Variants in HTR1F observed in about 807,000 individuals in gnomAD.
HTR1F encodes 5-hydroxytryptamine receptor 1F, also known as 5-hydroxytryptamine (serotonin) receptor 1F, G protein-coupled.
In HTR1F, 17 loss-of-function variants were observed where a neutral mutation model predicts 24.0. The ratio of observed to expected loss-of-function variants is 0.71; its 90% CI spans 0.48 to 1.06. HTR1F has a LOEUF of 1.06. Ranked by LOEUF, HTR1F falls within the 50% of genes least tolerant of loss-of-function variation. The pLI is 0.00. For synonymous variants in HTR1F, 186 were observed against 156.8 expected (o/e 1.19, Z -1.39); for missense variants, 391 against 427.8 (o/e 0.91, Z 0.76).
chr3:87,945,482 G>T (rs1704675405), intron 2 of HTR1F, among the ~76,000 whole-genome samples: 1 of 152,180 alleles, frequency 6.6e-6, no homozygotes, highest in African/African-American at 2.4e-5. Flanking sequence ...CAGAAGGAAA[G>T]GTAGGGGCGC....
intron 2 of HTR1F, among the ~76,000 whole-genome samples, chr3:87,826,544 C>T (rs947976758): frequency 5.3e-5 from 8 of 152,110 alleles, no homozygotes; most frequent in African/African-American, 1.7e-4. Context: ...TTATACATCC[C>T]GTAAACGCCC....
At chr3:87,882,837 C>T (rs1172499316) in intron 2 of HTR1F, among the ~76,000 whole-genome samples, 2 of 151,646 alleles carry the variant, frequency 1.3e-5, no homozygotes, top group African/African-American at 4.8e-5. Context: ...CACATGTACC[C>T]TAAAACTTAA....
At chr3:87,800,817 T>C (rs557632693) in intron 1 of HTR1F, among the ~76,000 whole-genome samples, 1 of 152,344 alleles carries the variant, frequency 6.6e-6, no homozygotes, top group South Asian at 2.1e-4. Flanking sequence ...TCATTGGTAC[T>C]CTGTCTATGG....
chr3:87,972,246 C>T (rs552438308), intron 2 of HTR1F, among the ~76,000 whole-genome samples: 1 of 152,044 alleles, frequency 6.6e-6, no homozygotes, highest in African/African-American at 2.4e-5. Flanking sequence ...AGATTTAGTC[C>T]CATTACCATA....
At chr3:87,831,349 A>G (rs1704574821) in intron 2 of HTR1F, among the ~76,000 whole-genome samples, 2 of 142,640 alleles carry the variant, frequency 1.4e-5, no homozygotes, top group Admixed American at 1.4e-4. Context: ...TATTATTATT[A>G]TTATTATTAT....
chr3:87,961,021 CAT>C (rs1341387586), intron 2 of HTR1F, among the ~76,000 whole-genome samples: 7 of 152,024 alleles, frequency 4.6e-5, no homozygotes, highest in African/African-American at 1.4e-4. Flanking sequence ...CACACACACA[CAT>C]ACACACAAAC....
At chr3:87,882,879 TA>T (rs1705839497) in intron 2 of HTR1F, among the ~76,000 whole-genome samples, 1 of 151,780 alleles carries the variant, frequency 6.6e-6, no homozygotes. Flanking sequence ...AAAATAAATT[TA>T]AAAAAAAGGC....
At chr3:87,803,024 A>T (rs182728695) in intron 1 of HTR1F, among the ~76,000 whole-genome samples, 220 of 152,204 alleles carry the variant, frequency 1.4e-3, no homozygotes, top group South Asian at 3.9e-3. Flanking sequence ...AAAGCAATGG[A>T]GCTGTCTATT....
chr3:87,862,675 C>T (rs1324092447), intron 2 of HTR1F, among the ~76,000 whole-genome samples: 1 of 152,158 alleles, frequency 6.6e-6, no homozygotes, highest in African/African-American at 2.4e-5. Flanking sequence ...TTTCTCCTGA[C>T]TTCCGCTGTC....
chr3:87,937,755 C>G (rs1174444496), intron 2 of HTR1F, among the ~76,000 whole-genome samples: 1 of 152,000 alleles, frequency 6.6e-6, no homozygotes. Flanking sequence ...AACCCCGTCT[C>G]TACTAAAAAC....
intron 2 of HTR1F, among the ~76,000 whole-genome samples, chr3:87,904,328 G>T (rs1209528554): frequency 3.3e-5 from 5 of 152,066 alleles, no homozygotes; most frequent in Non-Finnish European, 7.4e-5. Context: ...TCTGCTAATT[G>T]GGACACTCAA....
chr3:87,980,272 T>A (rs1236554769), intron 2 of HTR1F, among the ~76,000 whole-genome samples: 1 of 152,124 alleles, frequency 6.6e-6, no homozygotes, highest in African/African-American at 2.4e-5. Context: ...TGATGACATC[T>A]CTCCACCCCT....
chr3:87,806,376 C>T (rs2932267), intron 1 of HTR1F, among the ~76,000 whole-genome samples: 20,823 of 151,968 alleles, frequency 0.14, 4,448 homozygotes, highest in African/African-American at 0.46. Flanking sequence ...AAGTTCTCTT[C>T]CTCTGTTTCC....
intron 2 of HTR1F, among the ~76,000 whole-genome samples, chr3:87,977,643 G>T (rs147793323): frequency 6.7e-6 from 1 of 149,328 alleles, no homozygotes; most frequent in African/African-American, 2.5e-5. Context: ...GGATGGTCTC[G>T]ATCTCCTGAC....
intron 2 of HTR1F, among the ~76,000 whole-genome samples, chr3:87,907,809 C>T (rs925251286): frequency 1.3e-5 from 2 of 151,782 alleles, no homozygotes; most frequent in African/African-American, 4.8e-5. Flanking sequence ...TGGAGAAGTA[C>T]CTTCTCAAGA....
chr3:87,914,744 C>T lies in HTR1F; in HGVS notation c.-42-75964C>T, dbSNP rs1283479578. ...TGCCTAGCCCTGCCCCCACCTGATG[C>T]GCCTTCCCTACCCACCCTGGTAGCT... On this transcript the variant is annotated intron_variant, in intron 2 of 2. Transcript: ENST00000319595. Among the ~76,000 whole-genome samples, 8 of 152,116 alleles carry T rather than the reference C, an allele frequency of 5.3e-5. 1 individual carries two copies. Among genetic ancestry groups the T allele is most frequent in the South Asian group, 4.2e-4 (2 of 4,814 alleles).
At chr3:87,816,387 T>C (rs1704251110) in intron 1 of HTR1F, among the ~76,000 whole-genome samples, 1 of 152,100 alleles carries the variant, frequency 6.6e-6, no homozygotes. Context: ...GTTTTGGTAG[T>C]ACTTGGAGGT....
intron 2 of HTR1F, among the ~76,000 whole-genome samples, chr3:87,867,588 A>G (rs1705457132): frequency 6.7e-6 from 1 of 148,954 alleles, no homozygotes; most frequent in African/African-American, 2.4e-5. Flanking sequence ...TCCCCCAGAA[A>G]ATCAATGTAT....
intron 1 of HTR1F, among the ~76,000 whole-genome samples, chr3:87,805,740 C>G (rs1433325249): frequency 2.0e-5 from 3 of 152,046 alleles, no homozygotes; most frequent in African/African-American, 7.2e-5. Context: ...CAGCAAACCA[C>G]TACGGCACAC....
Sources: gnomAD v4.1 joint callset for allele counts (sites outside exome capture counted in the v4.1 genomes callset) on GRCh38, gnomAD v4.1.1 for gene constraint, MANE v1.5 for transcripts, NCBI Gene and HGNC (gene_info 2026-07-23, HGNC 2026-07-21) for gene names.